The following SYN3 variants were observed in gnomAD, a reference collection of about 807,000 sequenced individuals.
SYN3 encodes the protein synapsin III.
SYN3 carries 35 observed loss-of-function variants against 65.8 expected under a neutral mutation model. The ratio of observed to expected loss-of-function variants is 0.53; its 90% CI spans 0.41 to 0.70. The LOEUF (loss-of-function observed/expected upper bound fraction) is 0.70. Ranked by LOEUF, SYN3 falls within the 30% of genes least tolerant of loss-of-function variation. The pLI, the probability that SYN3 is intolerant of heterozygous loss-of-function variation, is 0.00. For synonymous variants in SYN3, 270 were observed against 292.9 expected (o/e 0.92, Z 0.80); for missense variants, 680 against 749.0 (o/e 0.91, Z 1.08).
chr22:32,557,136 T>A (rs1371113349), intron 7 of SYN3, among the ~76,000 whole-genome samples: 1 of 152,184 alleles, frequency 6.6e-6, no homozygotes, highest in Non-Finnish European at 1.5e-5. Context: ...CTTAAACATA[T>A]CTGAAAAGAA....
intron 6 of SYN3, among the ~76,000 whole-genome samples, chr22:32,780,631 G>A (rs899124771): frequency 5.9e-5 from 9 of 152,044 alleles, no homozygotes; most frequent in Admixed American, 1.3e-4. Context: ...TGCTGTTTTC[G>A]TCACTGGCTC....
At chr22:32,850,790 G>T (rs928013081) in intron 6 of SYN3, among the ~76,000 whole-genome samples, 1 of 152,150 alleles carries the variant, frequency 6.6e-6, no homozygotes, top group African/African-American at 2.4e-5. Flanking sequence ...CGGGCATGAG[G>T]GTGAGACCCC....
chr22:32,797,259 G>C (rs184866448), intron 6 of SYN3, among the ~76,000 whole-genome samples: 5 of 152,304 alleles, frequency 3.3e-5, no homozygotes, highest in Admixed American at 2.6e-4. Context: ...CGGTGGTGCT[G>C]ATCATTGGAC....
intron 1 of SYN3, chr22:33,057,461 C>T (rs1285946462): frequency 6.6e-6 from 1 of 152,236 alleles, no homozygotes; most frequent in Non-Finnish European, 1.5e-5. Context: ...CCTGGAATTC[C>T]TGCTCCCTAT....
Position 32,868,978 on chromosome 22 carries a change from G to C in SYN3, c.609C>G (p.Ser203Arg). ...NSLYSVYNFC[S>R]KPWVFSQLIK... is the part of the protein sequence containing the mutation. ...CCCTGTCACCTACCACCCAGGGCTT[G>C]CTGCAGAAGTTGTAGACGGAGTAGA... The change falls in exon 5 of 14, where the codon AGC becomes AGG. Residue 203 changes from serine (S) to arginine (R), a missense_variant. Ser to Arg is a moderately radical substitution (Grantham distance 110). Transcript: ENST00000358763. 1 of 1,613,804 alleles carries C rather than the reference G, an allele frequency of 6.2e-7. No homozygotes were observed. The highest frequency in any genetic ancestry group is 8.5e-7 in the Non-Finnish European group (1 of 1,179,864).
At chr22:32,998,797 A>C (rs1448824897) in intron 2 of SYN3, among the ~76,000 whole-genome samples, 1 of 149,622 alleles carries the variant, frequency 6.7e-6, no homozygotes, top group African/African-American at 2.5e-5. Flanking sequence ...AAAAAAAAAA[A>C]AACAAAAGTC....
chr22:32,546,875 CCTT>C (rs948462790), intron 7 of SYN3, among the ~76,000 whole-genome samples: 4 of 151,966 alleles, frequency 2.6e-5, no homozygotes, highest in African/African-American at 9.7e-5. Context: ...TCTCCTCTCT[CCTT>C]CTCTCTCTCC....
At chr22:33,010,962 G>A (rs2053336195) in intron 1 of SYN3, among the ~76,000 whole-genome samples, 1 of 152,132 alleles carries the variant, frequency 6.6e-6, no homozygotes, top group African/African-American at 2.4e-5. Flanking sequence ...CTCAATTCAA[G>A]TATTGTTGCT....
chr22:32,983,354 G>A (rs2052426145), intron 2 of SYN3, among the ~76,000 whole-genome samples: 1 of 152,072 alleles, frequency 6.6e-6, no homozygotes, highest in Non-Finnish European at 1.5e-5. Flanking sequence ...CTTGGAAGAT[G>A]GATGTCATCA....
chr22:32,572,440 C>T (rs12628580), intron 7 of SYN3, among the ~76,000 whole-genome samples: 1 of 120,270 alleles, frequency 8.3e-6, no homozygotes, highest in Non-Finnish European at 1.7e-5. Context: ...CCTTCCTTCC[C>T]TCCTTCCTTT....
chr22:32,645,110 G>C (rs542219112), intron 6 of SYN3, among the ~76,000 whole-genome samples: 1 of 152,314 alleles, frequency 6.6e-6, no homozygotes, highest in Admixed American at 6.5e-5. Flanking sequence ...TTTTGACAGT[G>C]ACATTCCTTC....
At chr22:32,873,423 T>C (rs1362072684) in intron 4 of SYN3, among the ~76,000 whole-genome samples, 2 of 152,038 alleles carry the variant, frequency 1.3e-5, no homozygotes, top group Non-Finnish European at 2.9e-5. Flanking sequence ...GGTTGTCAAG[T>C]GGGTTGGGTT....
At chr22:33,045,333 A>T (rs1425270701) in intron 1 of SYN3, among the ~76,000 whole-genome samples, 2 of 152,136 alleles carry the variant, frequency 1.3e-5, no homozygotes, top group Non-Finnish European at 2.9e-5. Context: ...ACTGGGAGCC[A>T]CTTGAGGATA....
At chr22:32,627,602 G>A (rs1267693158) in intron 6 of SYN3, among the ~76,000 whole-genome samples, 2 of 152,060 alleles carry the variant, frequency 1.3e-5, no homozygotes, top group African/African-American at 2.4e-5. Context: ...ACATGGATGG[G>A]CAAGTGCAAT....
intron 6 of SYN3, among the ~76,000 whole-genome samples, chr22:32,784,269 A>T (rs1418836442): frequency 6.6e-6 from 1 of 152,228 alleles, no homozygotes; most frequent in Non-Finnish European, 1.5e-5. Context: ...GGCGCAGGTG[A>T]CAGGGCATAT....
At chr22:33,041,593 C>T (rs112577565) in intron 1 of SYN3, among the ~76,000 whole-genome samples, 1,978 of 152,212 alleles carry the variant, frequency 0.013, 14 homozygotes, top group South Asian at 0.025. Context: ...CCACCATGCC[C>T]GGCCTGCACT....
intron 4 of SYN3, among the ~76,000 whole-genome samples, chr22:32,874,340 A>G (rs539846346): frequency 1.3e-5 from 2 of 152,274 alleles, no homozygotes; most frequent in East Asian, 3.9e-4. Flanking sequence ...AATATGAGCT[A>G]TAATATTTGG....
chr22:32,766,994 T>C (rs1351808758), intron 6 of SYN3, among the ~76,000 whole-genome samples: 2 of 152,194 alleles, frequency 1.3e-5, no homozygotes. Context: ...ACTTCCTTCT[T>C]TCCCCTGACA....
In SYN3 at chr22:32,643,557, CGG is replaced by C. The variant is rs1172115733; in HGVS notation, c.712-46823_712-46822del. On this transcript the variant is annotated intron_variant, in intron 6 of 13. Transcript: ENST00000358763. ...GGGCAAATTAGAAATGGTGGGGGGG[CGG>C]GGGGGGCAGAACAGACCCATAAAGG... is the stretch of plus-strand genomic sequence containing the variant. Among the ~76,000 whole-genome samples the C allele has an allele frequency of 1.3e-3, 26 of 19,920 alleles. 3 individuals carry two copies. In the Admixed American group the frequency reaches 0.019, roughly 15 times the overall value. 13.1% of individuals were successfully genotyped at this position (19,920 alleles called of 152,430 possible).
Sources: gnomAD v4.1 joint callset for allele counts (sites outside exome capture counted in the v4.1 genomes callset) on GRCh38, gnomAD v4.1.1 for gene constraint, MANE v1.5 for transcripts, NCBI Gene and HGNC (gene_info 2026-07-23, HGNC 2026-07-21) for gene names.